The following LMNB2 variants were observed in gnomAD, a reference collection of about 807,000 sequenced individuals.
LMNB2 encodes lamin B2, also known as lamin-B2.
Under a neutral mutation model 69.3 loss-of-function variants are expected in LMNB2, and 17 were observed. The ratio of observed to expected loss-of-function variants is 0.25; its 90% CI spans 0.17 to 0.37. The LOEUF (loss-of-function observed/expected upper bound fraction) is 0.37. Among genes scored for constraint, LMNB2 ranks in the 10% least tolerant of loss-of-function variants. The probability of loss-of-function intolerance (pLI) is 1.00; values close to 1 mark genes in which losing one functional copy is unlikely to be tolerated. For missense variants in LMNB2, 789 were observed against 883.6 expected (o/e 0.89, Z 1.36); for synonymous variants, 397 against 389.3 (o/e 1.02, Z -0.23).
In LMNB2 at chr19:2,428,331, T is replaced by C. The variant is rs1294028173; in HGVS notation, c.*2580A>G. On this transcript the variant is annotated 3_prime_UTR_variant, in exon 12 of 12. Coordinates refer to ENST00000325327, the MANE Select transcript of LMNB2 (RefSeq NM_032737.4). The stretch of plus-strand genomic sequence containing the variant: ...CAGCCCCAGCTGCAGCCCAGCTCCG[T>C]TTTTGCAGGTTGTGCTGTGACGCTC... 1.3e-5 allele frequency: 2 copies of C among 152,080 alleles called. No homozygotes were observed. Among genetic ancestry groups the C allele is most frequent in the African/African-American group, 4.8e-5 (2 of 41,388 alleles). 9.4% of individuals were successfully genotyped at this position (152,080 alleles called of 1,614,324 possible). A position where few individuals can be genotyped will look rare whatever the true frequency, so the allele number is the denominator to read the frequency against.
rs1972057181 is a variant in LMNB2, at chr19:2,453,764, C to A, written c.264+2906G>T. ...CGGTCCAATGGGGCGTCCAGTGGGG[C>A]TGGGGCTGGTACCTCCCCAGCACTC... is the stretch of plus-strand genomic sequence containing the variant. On this transcript the variant is annotated intron_variant, in intron 1 of 11. Coordinates refer to ENST00000325327, the MANE Select transcript of LMNB2 (RefSeq NM_032737.4). This position sits in a 1 kb window ranked among gnomAD's most constrained non-coding sequence, Gnocchi z 4.4. Among the ~76,000 whole-genome samples the A allele has an allele frequency of 6.6e-6, 1 of 152,190 alleles. No individual in the cohort carries two copies. The highest frequency in any genetic ancestry group is 1.5e-5 in the Non-Finnish European group (1 of 68,030).
At chr19:2,435,773 G>A (rs1971814618) in intron 4 of LMNB2, among the ~76,000 whole-genome samples, 1 of 151,258 alleles carries the variant, frequency 6.6e-6, no homozygotes, top group Non-Finnish European at 1.5e-5. Flanking sequence ...AGCCAGGATC[G>A]CACCATTGCA....
In LMNB2 at chr19:2,438,498, G is replaced by A. The variant is rs1413373734; in HGVS notation, c.435C>T (p.Ala145=). 6.2e-7 allele frequency: 1 copy of A among 1,610,652 alleles called. No homozygotes were observed. The highest frequency in any genetic ancestry group is 8.5e-7 in the Non-Finnish European group (1 of 1,179,046). The change falls in exon 3 of 12, where the codon GCC becomes GCT. Residue 145 remains alanine (A), a synonymous_variant. Transcript: ENST00000325327. ...ACTCCAGGTCCTTCACACGGCCCTG[G>A]GCCACCGTAAGCTCGCCCTCCCTCT... ...AKKREGELTV[A]QGRVKDLESL...
In LMNB2 at chr19:2,444,394, G is replaced by T. The variant is rs1334130799; in HGVS notation, c.401+10C>A. 1.2e-6 allele frequency: 2 copies of T among 1,613,572 alleles called. No homozygotes were observed. Among genetic ancestry groups the T allele is most frequent in the Non-Finnish European group, 8.5e-7 (1 of 1,179,980 alleles). On this transcript the variant is annotated intron_variant, in intron 2 of 11. Coordinates refer to ENST00000325327, the MANE Select transcript of LMNB2 (RefSeq NM_032737.4). ...TCAGGGTGACGTCGTGCCCAGCCGT[G>T]ACCACTCACCTCTTGTTGACCTCGT...
At chr19:2,434,130 G>C in intron 7 of LMNB2, 25 bp from the exon 8 acceptor site, 1 of 1,569,962 alleles carries the variant, frequency 6.4e-7, no homozygotes, top group South Asian at 1.1e-5. Context: ...AGGAAGGTGG[G>C]ACTGGTAGTG....
In LMNB2 at chr19:2,453,245, G is replaced by A. The variant is rs189766018; in HGVS notation, c.264+3425C>T. Among the ~76,000 whole-genome samples, 41 of 152,246 alleles carry A rather than the reference G, an allele frequency of 2.7e-4. No homozygotes were observed. Among genetic ancestry groups the A allele is most frequent in the Admixed American group, 2.7e-3 (41 of 15,292 alleles). ...CAAGAGTCCCCTGGGGGCAGAAGCT[G>A]GCCAGGTGAGAGAGGCCCTGCTGTC... On this transcript the variant is annotated intron_variant, in intron 1 of 11. Transcript: ENST00000325327. The surrounding 1 kb of genome is among the most constrained non-coding windows in gnomAD (Gnocchi z 4.4).
At chr19:2,440,883 C>T (rs1281889899) in intron 2 of LMNB2, among the ~76,000 whole-genome samples, 1 of 152,264 alleles carries the variant, frequency 6.6e-6, no homozygotes, top group Non-Finnish European at 1.5e-5. Context: ...AGCTGCCAAG[C>T]TCTCACTCTC....
intron 2 of LMNB2, among the ~76,000 whole-genome samples, chr19:2,439,166 G>A (rs116106797): frequency 0.03 from 4,593 of 150,750 alleles, 258 homozygotes; most frequent in African/African-American, 0.11. Flanking sequence ...TTACAGGTGC[G>A]AGCCACCGCG....
In LMNB2 at chr19:2,438,382, A is replaced by C; in HGVS notation, c.551T>G (p.Leu184Arg). The C allele has an allele frequency of 6.2e-7, 1 of 1,612,980 alleles. No homozygotes were observed. Among genetic ancestry groups the C allele is most frequent in the Non-Finnish European group, 8.5e-7 (1 of 1,179,888 alleles). Residue 184 changes from leucine (L) to arginine (R), a missense_variant, in exon 3 of 12, where the codon CTG becomes CGG. Physicochemically the swap from Leu to Arg is moderately radical, Grantham distance 102. This residue lies in a region of LMNB2 where 609 missense variants were observed against 630.9 expected (regional missense o/e 0.97). Transcript: ENST00000325327. The stretch of plus-strand genomic sequence containing the variant: ...GTGGCTCCTGGCACCTACCTTGGCC[A>C]GCTGGGCCCGCAGCTCAGCCACGTC... ...ESDVAELRAQ[L>R]AKAEDGHAVA... is the part of the protein sequence containing the mutation.
intron 1 of LMNB2, among the ~76,000 whole-genome samples, chr19:2,448,867 C>A (rs1449832091): frequency 6.6e-6 from 1 of 152,098 alleles, no homozygotes; most frequent in Admixed American, 6.6e-5. Context: ...GAAAAAGAAT[C>A]TAATACCATA....
At chr19:2,431,983 A>G (rs940447240) in intron 9 of LMNB2, 81 bp from the exon 10 acceptor site, 1 of 1,526,644 alleles carries the variant, frequency 6.6e-7, no homozygotes, top group African/African-American at 1.4e-5. Context: ...CCTACCACAA[A>G]GCCCCCTTCA....
At position 2,443,575 on chromosome 19, in the gene LMNB2, A is replaced by G. The variant is rs1971921704; in HGVS notation, c.401+829T>C. Among the ~76,000 whole-genome samples, 1 of 151,922 alleles carries G rather than the reference A, an allele frequency of 6.6e-6. No homozygotes were observed. Among genetic ancestry groups the G allele is most frequent in the Admixed American group, 6.6e-5 (1 of 15,246 alleles). Reference sequence around the variant, plus strand: ...CTGGGAGAATGAGCAGTGTGGGAAGACCCTGACCCACCCCAGCCTGAGGAA... The same window carrying G: ...CTGGGAGAATGAGCAGTGTGGGAAGGCCCTGACCCACCCCAGCCTGAGGAA... On this transcript the variant is annotated intron_variant, in intron 2 of 11. Transcript: ENST00000325327. This position sits in a 1 kb window ranked among gnomAD's most constrained non-coding sequence, Gnocchi z 6.2.
At chr19:2,450,883 G>A (rs1466755260) in intron 1 of LMNB2, among the ~76,000 whole-genome samples, 1 of 151,316 alleles carries the variant, frequency 6.6e-6, no homozygotes, top group African/African-American at 2.4e-5. Flanking sequence ...GCCCACCTCG[G>A]CCTCCCAAAG....
chr19:2,429,690 G>A lies in LMNB2; in HGVS notation c.*1221C>T, dbSNP rs1240726876. The A allele has an allele frequency of 6.6e-6, 1 of 152,488 alleles. No individual in the cohort carries two copies. The highest frequency in any genetic ancestry group is 2.4e-5 in the African/African-American group (1 of 41,464). The allele number at this position is 152,488 out of a possible 1,614,324, so 9.4% of individuals were successfully genotyped here. A position where few individuals can be genotyped will look rare whatever the true frequency, so the allele number is the denominator to read the frequency against. ...GGCTCTGCCGTCGGAGGGTGCCCCAGCCCCACGCCACCCCGGGGAGGAGGG... is the reference window on the plus strand; with the variant it reads ...GGCTCTGCCGTCGGAGGGTGCCCCAACCCCACGCCACCCCGGGGAGGAGGG... On this transcript the variant is annotated 3_prime_UTR_variant, in exon 12 of 12. Coordinates refer to ENST00000325327, the MANE Select transcript of LMNB2 (RefSeq NM_032737.4).
In LMNB2 at chr19:2,447,131, G is replaced by A. The variant is rs1363674656; in HGVS notation, c.265-2591C>T. Among the ~76,000 whole-genome samples, 4 of 151,830 alleles carry A rather than the reference G, an allele frequency of 2.6e-5. No individual in the cohort carries two copies. Among genetic ancestry groups the A allele is most frequent in the African/African-American group, 4.8e-5 (2 of 41,268 alleles). ...TGCCCTCCAGCCTGGGAGACAGAGC[G>A]AGACTCAGTTTCAAAATAAATAAAT... On this transcript the variant is annotated intron_variant, in intron 1 of 11. Coordinates refer to ENST00000325327, the MANE Select transcript of LMNB2 (RefSeq NM_032737.4). This position sits in a 1 kb window ranked among gnomAD's most constrained non-coding sequence, Gnocchi z 4.4.
At chr19:2,432,673 C>T (rs1221674264) in intron 8 of LMNB2, 150 bp from the exon 9 acceptor site, 2 of 741,592 alleles carry the variant, frequency 2.7e-6, no homozygotes, top group Middle Eastern at 2.4e-4. Flanking sequence ...TTCCAGTCAC[C>T]TTGTCCCCTG....
chr19:2,451,611 C>T (rs1316577658), intron 1 of LMNB2, among the ~76,000 whole-genome samples: 1 of 152,130 alleles, frequency 6.6e-6, no homozygotes, highest in Non-Finnish European at 1.5e-5. Flanking sequence ...ACAGGCTGGG[C>T]CTTTTCTTTC....
intron 8 of LMNB2, among the ~76,000 whole-genome samples, 192 bp downstream of exon 8, chr19:2,433,634 T>C (rs568448478): frequency 6.0e-5 from 4 of 66,136 alleles, no homozygotes; most frequent in African/African-American, 2.2e-4. Flanking sequence ...CTGCCTCGTA[T>C]TGGCCGGCGG....
chr19:2,450,561 T>A (rs1377549348), intron 1 of LMNB2, among the ~76,000 whole-genome samples: 1 of 151,798 alleles, frequency 6.6e-6, no homozygotes, highest in Non-Finnish European at 1.5e-5. Context: ...GCAGATCACC[T>A]GAGGTCAGGA....
Sources: allele counts gnomAD v4.1 joint callset (sites outside exome capture counted in the v4.1 genomes callset), GRCh38; gene constraint gnomAD v4.1.1; regional missense constraint gnomAD v4.1.1; non-coding constraint Gnocchi (gnomAD v3.1); transcripts MANE v1.5; gene names NCBI Gene and HGNC (gene_info 2026-07-23, HGNC 2026-07-21).